Variants in GFAP observed in about 807,000 individuals in gnomAD.
GFAP encodes intermediate filament protein.
Under a neutral mutation model 49.3 loss-of-function variants are expected in GFAP, and 38 were observed. That is an observed-to-expected ratio of 0.77 (90% CI 0.60 to 1.01). The LOEUF (loss-of-function observed/expected upper bound fraction) is 1.01. Among genes scored for constraint, GFAP ranks in the 50% least tolerant of loss-of-function variants. The pLI is 0.00. For synonymous variants in GFAP, 222 were observed against 236.4 expected (o/e 0.94, Z 0.56); for missense variants, 463 against 579.1 (o/e 0.80, Z 2.06).
chr17:44,912,439 T>C (rs1042609027), intron 4 of GFAP: 4 of 153,658 alleles, frequency 2.6e-5, no homozygotes, highest in African/African-American at 9.6e-5. Context: ...TGGGTTCTAA[T>C]AGCCCTTTCT....
rs1242580045 is a variant in GFAP at position 44,903,895 on chromosome 17, G to A, written c.*3452C>T. ...GGCTCCAGGCCTTTGAAATTGTGGA[G>A]AAGGAAAACATTTTTCAGAGGACCC... is the stretch of plus-strand genomic sequence containing the variant. On this transcript the variant is annotated 3_prime_UTR_variant, in exon 9 of 9. Transcript: ENST00000588735. The A allele has an allele frequency of 6.4e-7, 1 of 1,550,540 alleles. No homozygotes were observed. Among genetic ancestry groups the A allele is most frequent in the Non-Finnish European group, 8.7e-7 (1 of 1,146,994 alleles).
In GFAP at chr17:44,908,234, C is replaced by G. The variant is rs754341872; in HGVS notation, c.1172-85G>C. 7 of 896,138 alleles carry G rather than the reference C, an allele frequency of 7.8e-6. No homozygotes were observed. In the East Asian group the frequency reaches 1.5e-4, roughly 19 times the overall value. The allele number at this position is 896,138 out of a possible 1,614,324, so 55.5% of individuals were successfully genotyped here. On this transcript the variant is annotated intron_variant, in intron 7 of 8. Transcript: ENST00000588735. ...CATGCCCGGCTTCCCCATCGCACCC[C>G]CCTCCCCATCATGAGTATGAGAACC...
Position 44,910,631 on chromosome 17 carries a change from G to T in GFAP, c.1155C>A (p.Ser385=). Reference sequence around the variant, plus strand: ...TGTACTGACCTCGAATCTGCAGGTTGGAGAAGGTCTGCACGGGAATGGTGA... The same window carrying T: ...TGTACTGACCTCGAATCTGCAGGTTTGAGAAGGTCTGCACGGGAATGGTGA... ...NRITIPVQTF[S]NLQIRETSLD... The change falls in exon 7 of 9, where the codon TCC becomes TCA. Residue 385 remains serine (S), a synonymous_variant. Transcript: ENST00000588735. 6.3e-7 allele frequency: 1 copy of T among 1,584,332 alleles called. No individual in the cohort carries two copies.
chr17:44,913,073 A>C, intron 4 of GFAP, 196 bp downstream of exon 4: 1 of 653,446 alleles, frequency 1.5e-6, no homozygotes, highest in South Asian at 1.7e-5. Flanking sequence ...TAGCAATAGT[A>C]GCAGTAATAA....
chr17:44,907,741 A>C lies in GFAP; in HGVS notation c.1257+323T>G, dbSNP rs182099875. 2.1e-4 allele frequency: 113 copies of C among 549,880 alleles called. 1 individual carries two copies. Among genetic ancestry groups the C allele is most frequent in the African/African-American group, 1.9e-3 (103 of 52,966 alleles). The allele number at this position is 549,880 out of a possible 1,614,324, so 34.1% of individuals were successfully genotyped here. A position where few individuals can be genotyped will look rare whatever the true frequency, so the allele number is the denominator to read the frequency against. On this transcript the variant is annotated intron_variant, in intron 8 of 8. Transcript: ENST00000588735. ...CCCCATCCCCAACTGTGTCTGCTAG[A>C]GTTGGAAGTGAAAGCTACTAACTTT... is the stretch of plus-strand genomic sequence containing the variant.
chr17:44,910,525 G>C (rs777548878), intron 7 of GFAP, 90 bp downstream of exon 7: 1 of 1,553,024 alleles, frequency 6.4e-7, no homozygotes, highest in South Asian at 1.2e-5. Flanking sequence ...CCTTTGCCCT[G>C]ATCCTCAGTC....
In GFAP at chr17:44,906,765, G is replaced by C. The variant is rs1209389475; in HGVS notation, c.*582C>G. On this transcript the variant is annotated 3_prime_UTR_variant, in exon 9 of 9. Coordinates refer to ENST00000588735, the MANE Select transcript of GFAP (RefSeq NM_002055.5). ...CCAGCTACACAGGAGGCTGAGGTGG[G>C]TAGACTGCTTGAGCCCAGGAGTTCA... 1 of 182,756 alleles carries C rather than the reference G, an allele frequency of 5.5e-6. No homozygotes were observed. 11.3% of individuals were successfully genotyped at this position (182,756 alleles called of 1,614,324 possible). A position where few individuals can be genotyped will look rare whatever the true frequency, so the allele number is the denominator to read the frequency against.
At chr17:44,909,821 A>G (rs1443560996) in intron 7 of GFAP, 27 of 1,203,288 alleles carry the variant, frequency 2.2e-5, no homozygotes, top group Non-Finnish European at 2.7e-5. Context: ...GTCCAGGCAC[A>G]GCGAGACCCA....
chr17:44,908,451 G>C, intron 7 of GFAP: 1 of 293,088 alleles, frequency 3.4e-6, no homozygotes, highest in Non-Finnish European at 6.4e-6. Flanking sequence ...GAGACCAGGA[G>C]GGGTGCGGTG....
At chr17:44,913,473 G>T (rs1193158908) in intron 3 of GFAP, 43 bp from the exon 4 acceptor site, 1 of 1,602,294 alleles carries the variant, frequency 6.2e-7, no homozygotes. Flanking sequence ...CAGGGTACAG[G>T]CCACAGCTGG....
chr17:44,910,563 G>T, intron 7 of GFAP, 52 bp downstream of exon 7: 1 of 1,557,086 alleles, frequency 6.4e-7, no homozygotes, highest in East Asian at 2.4e-5. Flanking sequence ...ACAGGCCCTG[G>T]AGGAGGGGGC....
Position 44,905,013 on chromosome 17 carries a change from T to A in GFAP, c.*2334A>T, listed in dbSNP as rs1268955986. On this transcript the variant is annotated 3_prime_UTR_variant, in exon 9 of 9. Transcript: ENST00000588735. Reference sequence around the variant, plus strand: ...CTCATCACAGCAGTCTTTGTCACCATTCACTTCTGTCGTTGCTGCTGCTAC... The same window carrying A: ...CTCATCACAGCAGTCTTTGTCACCAATCACTTCTGTCGTTGCTGCTGCTAC... 1.3e-6 allele frequency: 2 copies of A among 1,550,606 alleles called. No homozygotes were observed.
chr17:44,910,258 C>A (rs763460748), intron 7 of GFAP: 3 of 1,613,794 alleles, frequency 1.9e-6, no homozygotes, highest in Non-Finnish European at 2.5e-6. Flanking sequence ...GTGCTTTTGC[C>A]CCCTGTAGTG....
At chr17:44,914,699 A>G (rs982946770) in intron 1 of GFAP, 4 of 406,504 alleles carry the variant, frequency 9.8e-6, no homozygotes, top group African/African-American at 4.1e-5. Context: ...GGCTCAGAAT[A>G]GGTGAGCTCG....
In GFAP at chr17:44,911,657, C is replaced by A; in HGVS notation, c.906+15G>T. On this transcript the variant is annotated intron_variant, in intron 5 of 8. Transcript: ENST00000588735. Reference sequence around the variant, plus strand: ...CCTGCTCCGCCCGTCCCCGTCCTGCCCTGGCCGCGCTCACCGTGCCGCGCA... The same window carrying A: ...CCTGCTCCGCCCGTCCCCGTCCTGCACTGGCCGCGCTCACCGTGCCGCGCA... 2 of 1,611,156 alleles carry A rather than the reference C, an allele frequency of 1.2e-6. No individual in the cohort carries two copies. The highest frequency in any genetic ancestry group is 8.5e-7 in the Non-Finnish European group (1 of 1,179,818).
At position 44,904,637 on chromosome 17, in the gene GFAP, C is replaced by A; in HGVS notation, c.*2710G>T. Reference sequence around the variant, plus strand: ...CAAAGTGGGCAGCCGGCCCTGGGTGCCCCAGGTGCCCATTCAGTTCCACCA... The same window carrying A: ...CAAAGTGGGCAGCCGGCCCTGGGTGACCCAGGTGCCCATTCAGTTCCACCA... On this transcript the variant is annotated 3_prime_UTR_variant, in exon 9 of 9. Coordinates refer to ENST00000588735, the MANE Select transcript of GFAP (RefSeq NM_002055.5). 1 of 1,550,526 alleles carries A rather than the reference C, an allele frequency of 6.4e-7. No individual in the cohort carries two copies. Among genetic ancestry groups the A allele is most frequent in the Non-Finnish European group, 8.7e-7 (1 of 1,146,994 alleles).
Position 44,903,785 on chromosome 17 carries a change from T to A in GFAP, c.*3562A>T. The A allele has an allele frequency of 6.6e-7, 1 of 1,513,934 alleles. No individual in the cohort carries two copies. Among genetic ancestry groups the A allele is most frequent in the Non-Finnish European group, 8.9e-7 (1 of 1,129,554 alleles). 93.8% of individuals were successfully genotyped at this position (1,513,934 alleles called of 1,614,324 possible). ...TTCTAGGAGCCCTATGAGCCTTTAA[T>A]GCCCTGGTTTTGCCCTGCCCCTCTG... On this transcript the variant is annotated 3_prime_UTR_variant, in exon 9 of 9. Transcript: ENST00000588735.
rs372700463 is a variant in GFAP at position 44,908,105 on chromosome 17, T to C, written c.1216A>G (p.Arg406Gly). 5 of 1,609,576 alleles carry C rather than the reference T, an allele frequency of 3.1e-6. No homozygotes were observed. Among genetic ancestry groups the C allele is most frequent in the Non-Finnish European group, 4.3e-6 (5 of 1,176,230 alleles). The change falls in exon 8 of 9, where the codon AGG becomes GGG. Residue 406 changes from arginine to glycine, a missense_variant. Physicochemically the swap from Arg to Gly is moderately radical, Grantham distance 125 (BLOSUM62 -2). Around this residue, in one of 3 missense-constraint regions of GFAP, gnomAD observed 362 missense variants for 445.5 expected, o/e 0.81. Coordinates refer to ENST00000588735, the MANE Select transcript of GFAP (RefSeq NM_002055.5). ...TKSVSEGHLK[R>G]NIVVKTVEMR... ...TCCACGGTCTTCACCACGATGTTCC[T>C]CTTGAGGTGGCCTTCTGACACAGAC...
At chr17:44,908,891 G>A (rs1426346621) in intron 7 of GFAP, 1 of 149,688 alleles carries the variant, frequency 6.7e-6, no homozygotes, top group African/African-American at 2.5e-5. Flanking sequence ...AAGCAAGCAG[G>A]AAAGAGAAAG....
Sources: gnomAD v4.1 joint callset for allele counts on GRCh38, gnomAD v4.1.1 for gene constraint, gnomAD v4.1.1 regional missense constraint, MANE v1.5 for transcripts, NCBI Gene and HGNC (gene_info 2026-07-23, HGNC 2026-07-21) for gene names.